DNAAF9: variants seen among roughly 807,000 people sequenced by gnomAD.
DNAAF9 encodes dynein axonemal assembly factor 9, also known as shulin.
DNAAF9 carries 90 observed loss-of-function variants against 167.0 expected under a neutral mutation model. The ratio of observed to expected loss-of-function variants is 0.54; its 90% CI spans 0.45 to 0.64. The LOEUF (loss-of-function observed/expected upper bound fraction) is 0.64. Among genes scored for constraint, DNAAF9 ranks in the 30% least tolerant of loss-of-function variants. The probability of loss-of-function intolerance (pLI) is 0.00; values close to 1 mark genes in which losing one functional copy is unlikely to be tolerated. For missense variants in DNAAF9, 1,315 were observed against 1,442.2 expected (o/e 0.91, Z 1.43); for synonymous variants, 491 against 508.8 (o/e 0.96, Z 0.47).
At chr20:3,292,143 C>T (rs2122919960) in intron 25 of DNAAF9, among the ~76,000 whole-genome samples, 1 of 151,996 alleles carries the variant, frequency 6.6e-6, no homozygotes, top group East Asian at 1.9e-4. Flanking sequence ...GGACTACAGG[C>T]ACCTGCCACC....
At chr20:3,299,396 C>T (rs891477995) in intron 21 of DNAAF9, among the ~76,000 whole-genome samples, 9 of 152,032 alleles carry the variant, frequency 5.9e-5, no homozygotes, top group African/African-American at 1.9e-4. Flanking sequence ...GACTGGCCTC[C>T]GCCTCCTGGG....
At chr20:3,300,427 C>CT (rs1302491289) in intron 21 of DNAAF9, among the ~76,000 whole-genome samples, 1 of 151,878 alleles carries the variant, frequency 6.6e-6, no homozygotes, top group Non-Finnish European at 1.5e-5. Context: ...GTACTTTACT[C>CT]TTTTTGATGC....
Position 3,315,989 on chromosome 20 carries a change from C to G in DNAAF9, c.1540-204G>C. The G allele has an allele frequency of 1.7e-6, 1 of 601,402 alleles. No homozygotes were observed. Among genetic ancestry groups the G allele is most frequent in the Non-Finnish European group, 3.0e-6 (1 of 336,866 alleles). The allele number at this position is 601,402 out of a possible 1,614,324, so 37.3% of individuals were successfully genotyped here. A position where few individuals can be genotyped will look rare whatever the true frequency, so the allele number is the denominator to read the frequency against. On this transcript the variant is annotated intron_variant, in intron 18 of 36. Transcript: ENST00000252032. The surrounding 1 kb of genome is among the most constrained non-coding windows in gnomAD (Gnocchi z 4.1). Reference sequence around the variant, plus strand: ...AGCCCAAGGCCTTGGTGGGCTCTCTCACTAGGACCTGAGGTCCAGCTAATG... The same window carrying G: ...AGCCCAAGGCCTTGGTGGGCTCTCTGACTAGGACCTGAGGTCCAGCTAATG...
chr20:3,259,402 C>T, intron 33 of DNAAF9, 78 bp downstream of exon 33: 1 of 951,578 alleles, frequency 1.1e-6, no homozygotes, highest in Non-Finnish European at 1.7e-6. Flanking sequence ...TGCAGAGCAC[C>T]AGCAGAGGCT....
chr20:3,395,262 C>T lies in DNAAF9; in HGVS notation c.83+12213G>A, dbSNP rs191501490. Among the ~76,000 whole-genome samples, 377 of 138,390 alleles carry T rather than the reference C, an allele frequency of 2.7e-3. 6 individuals are homozygous for T. Among genetic ancestry groups the T allele is most frequent in the East Asian group, 0.018 (90 of 4,894 alleles). 90.8% of individuals were successfully genotyped at this position (138,390 alleles called of 152,430 possible). ...CTGGGATTACAGGCGTGAGCCACCG[C>T]GCCTGGCCGAACATTTTCTTTTTTC... On this transcript the variant is annotated intron_variant, in intron 1 of 36. Transcript: ENST00000252032.
At chr20:3,303,893 G>T (rs1367613463) in intron 21 of DNAAF9, among the ~76,000 whole-genome samples, 4 of 152,238 alleles carry the variant, frequency 2.6e-5, no homozygotes, top group Non-Finnish European at 5.9e-5. Context: ...GATTGTTATA[G>T]GACAGTGGAA....
chr20:3,315,963 G>A lies in DNAAF9; in HGVS notation c.1540-178C>T. The A allele has an allele frequency of 1.6e-6, 1 of 630,504 alleles. No homozygotes were observed. Among genetic ancestry groups the A allele is most frequent in the South Asian group, 1.9e-5 (1 of 53,332 alleles). 39.1% of individuals were successfully genotyped at this position (630,504 alleles called of 1,614,324 possible). ...GATGTCTGCTGGTCACCTGGGCTCA[G>A]AGCCCAAGGCCTTGGTGGGCTCTCT... On this transcript the variant is annotated intron_variant, in intron 18 of 36. Coordinates refer to ENST00000252032, the MANE Select transcript of DNAAF9 (RefSeq NM_001009984.3). The surrounding 1 kb of genome is among the most constrained non-coding windows in gnomAD (Gnocchi z 4.1).
At chr20:3,364,418 T>C (rs2083404323) in intron 6 of DNAAF9, among the ~76,000 whole-genome samples, 1 of 152,212 alleles carries the variant, frequency 6.6e-6, no homozygotes, top group Admixed American at 6.5e-5. Context: ...TTTGGGGTCC[T>C]GCTTTTATGA....
chr20:3,338,007 CATATT>C (rs1487394676), intron 10 of DNAAF9, among the ~76,000 whole-genome samples: 18 of 145,362 alleles, frequency 1.2e-4, no homozygotes, highest in African/African-American at 4.5e-4. Flanking sequence ...ATATATAATA[CATATT>C]ATATATTACG....
chr20:3,304,490 T>C lies in DNAAF9; in HGVS notation c.1732A>G (p.Ser578Gly), dbSNP rs779729722. The change falls in exon 21 of 37, where the codon AGT becomes GGT. Residue 578 changes from serine to glycine, a missense_variant. Physicochemically the swap from Ser to Gly is moderately conservative, Grantham distance 56. Around this residue, in one of 2 missense-constraint regions of DNAAF9, gnomAD observed 981 missense variants for 1,012.5 expected, o/e 0.97. Coordinates refer to ENST00000252032, the MANE Select transcript of DNAAF9 (RefSeq NM_001009984.3). ...ATGTGATCCTTGGAAATGATGATACTTCTATGACGACAGTGAGAAAACAGA... is the reference window on the plus strand; with the variant it reads ...ATGTGATCCTTGGAAATGATGATACCTCTATGACGACAGTGAGAAAACAGA... ...GLLFSHCRHR[S>G]IIISKDHMNS... 3.9e-6 allele frequency: 6 copies of C among 1,528,228 alleles called. No individual in the cohort carries two copies. In the East Asian group the frequency reaches 1.4e-4, roughly 34 times the overall value. 94.7% of individuals were successfully genotyped at this position (1,528,228 alleles called of 1,614,324 possible).
At chr20:3,335,275 T>C (rs1182388159) in intron 10 of DNAAF9, among the ~76,000 whole-genome samples, 1 of 152,194 alleles carries the variant, frequency 6.6e-6, no homozygotes, top group Non-Finnish European at 1.5e-5. Flanking sequence ...TAGGTAGGTC[T>C]TCCAGCAACA....
intron 16 of DNAAF9, among the ~76,000 whole-genome samples, chr20:3,321,226 G>A (rs2069610096): frequency 6.6e-6 from 1 of 152,168 alleles, no homozygotes; most frequent in African/African-American, 2.4e-5. Context: ...TAATGACAGG[G>A]ATACATTCTG....
intron 29 of DNAAF9, among the ~76,000 whole-genome samples, chr20:3,277,937 A>C (rs1399433470): frequency 6.6e-6 from 1 of 152,214 alleles, no homozygotes; most frequent in Non-Finnish European, 1.5e-5. Flanking sequence ...CAATACGATC[A>C]GCAGGATGAA....
rs377452757 is a variant in DNAAF9 at position 3,319,229 on chromosome 20, C to A, written c.1357-829G>T. Among the ~76,000 whole-genome samples, 371 of 133,308 alleles carry A rather than the reference C, an allele frequency of 2.8e-3. 1 individual carries two copies. Among genetic ancestry groups the A allele is most frequent in the African/African-American group, 9.8e-3 (352 of 36,042 alleles). 87.5% of individuals were successfully genotyped at this position (133,308 alleles called of 152,430 possible). A position where few individuals can be genotyped will look rare whatever the true frequency, so the allele number is the denominator to read the frequency against. On this transcript the variant is annotated intron_variant, in intron 16 of 36. Transcript: ENST00000252032. ...AGTGATCTATGATCATGCCACTGCACTCCAGCCTGGGCAACGGACCGAGAC... is the reference window on the plus strand; with the variant it reads ...AGTGATCTATGATCATGCCACTGCAATCCAGCCTGGGCAACGGACCGAGAC...
At chr20:3,276,730 A>T (rs78411208) in intron 29 of DNAAF9, among the ~76,000 whole-genome samples, 3 of 152,202 alleles carry the variant, frequency 2.0e-5, no homozygotes, top group African/African-American at 7.2e-5. Flanking sequence ...TAGGGTGCCA[A>T]TCATCACACG....
chr20:3,311,945 G>GA (rs1282171898), intron 20 of DNAAF9, among the ~76,000 whole-genome samples: 1 of 151,170 alleles, frequency 6.6e-6, no homozygotes, highest in Non-Finnish European at 1.5e-5. Context: ...TTCTAGAGCT[G>GA]AAAAAAACTT....
intron 24 of DNAAF9, 54 bp downstream of exon 24, chr20:3,294,474 C>T (rs1371551691): frequency 7.9e-7 from 1 of 1,262,424 alleles, no homozygotes; most frequent in Non-Finnish European, 1.2e-6. Flanking sequence ...ACTGAGGTTT[C>T]CGACATTTCA....
At chr20:3,396,915 T>G (rs1299873194) in intron 1 of DNAAF9, among the ~76,000 whole-genome samples, 1 of 152,228 alleles carries the variant, frequency 6.6e-6, no homozygotes, top group Non-Finnish European at 1.5e-5. Flanking sequence ...GAAAACAGAC[T>G]GAAGGGCGAT....
At position 3,326,222 on chromosome 20, in the gene DNAAF9, T is replaced by A; in HGVS notation, c.1163A>T (p.Tyr388Phe). Residue 388 changes from tyrosine to phenylalanine, a missense_variant, in exon 13 of 37, where the codon TAT becomes TTT. Physicochemically the swap from Tyr to Phe is conservative, Grantham distance 22. Coordinates refer to ENST00000252032, the MANE Select transcript of DNAAF9 (RefSeq NM_001009984.3). The stretch of plus-strand genomic sequence containing the variant: ...CTTTGTTAGACTGGAAGTTTTAGCA[T>A]AACATGCAATGCCAGCCAAAACAGC... ...IEAVLAGIAC[Y>F]AKTSSLTKAK... 2 of 1,612,182 alleles carry A rather than the reference T, an allele frequency of 1.2e-6. No homozygotes were observed. Among genetic ancestry groups the A allele is most frequent in the African/African-American group, 2.7e-5 (2 of 75,012 alleles).
Sources: gnomAD v4.1 joint callset for allele counts (sites outside exome capture counted in the v4.1 genomes callset) on GRCh38, gnomAD v4.1.1 for gene constraint, gnomAD v4.1.1 regional missense constraint, Gnocchi (gnomAD v3.1) non-coding constraint, MANE v1.5 for transcripts, NCBI Gene and HGNC (gene_info 2026-07-23, HGNC 2026-07-21) for gene names.